The following DST variants were observed in gnomAD, a reference collection of about 807,000 sequenced individuals.
The protein encoded by DST is dystonin.
Under a neutral mutation model 875.2 loss-of-function variants are expected in DST, and 253 were observed. That is an observed-to-expected ratio of 0.29 (90% CI 0.26 to 0.32). DST has a LOEUF of 0.32. DST is among the 10% of genes least tolerant of loss of function. The pLI is 1.00. For missense variants in DST, 8,287 were observed against 9,111.6 expected, an observed-to-expected ratio of 0.91 and a Z score of 3.68; for synonymous variants, 3,124 against 3,197.1, an observed-to-expected ratio of 0.98 and a Z score of 0.77.
Position 56,553,288 on chromosome 6 carries a change from G to A in DST, c.15504C>T (p.Ala5168=). The part of the protein sequence containing the change: ...ENKLKESLEK[A]LKYKEQVETL... ...TCTCTACTTGCTCTTTATACTTAAGGGCTTTTTCCAATGACTCTTTTAACT... is the reference window on the plus strand; with the variant it reads ...TCTCTACTTGCTCTTTATACTTAAGAGCTTTTTCCAATGACTCTTTTAACT... Residue 5168 remains alanine, a synonymous_variant, in exon 61 of 104, where the codon GCC becomes GCT. Coordinates refer to ENST00000680361, the MANE Select transcript of DST (RefSeq NM_001374736.1). 1 of 1,613,462 alleles carries A rather than the reference G, an allele frequency of 6.2e-7. No individual in the cohort carries two copies. Among genetic ancestry groups the A allele is most frequent in the South Asian group, 1.1e-5 (1 of 91,032 alleles).
chr6:56,948,545 T>C (rs996196466), intron 2 of DST, among the ~76,000 whole-genome samples: 1 of 152,324 alleles, frequency 6.6e-6, no homozygotes, highest in Non-Finnish European at 1.5e-5. Flanking sequence ...TTCAAACTTA[T>C]GAATCCTTTA....
chr6:56,843,604 A>C (rs1367131748), intron 4 of DST: 13 of 983,204 alleles, frequency 1.3e-5, no homozygotes, highest in Non-Finnish European at 1.6e-5. Context: ...GTGCGGGAGG[A>C]CCGGCGCGCT....
intron 2 of DST, among the ~76,000 whole-genome samples, chr6:56,947,303 T>C (rs1317566729): frequency 6.7e-6 from 1 of 148,382 alleles, no homozygotes; most frequent in African/African-American, 2.5e-5. Flanking sequence ...CAGGCTGGAG[T>C]GCAGTGGCAC....
intron 61 of DST, among the ~76,000 whole-genome samples, chr6:56,547,082 ATTAG>A (rs1157680567): frequency 6.6e-6 from 1 of 152,372 alleles, no homozygotes; most frequent in Admixed American, 6.5e-5. Context: ...GGGCCGTAGC[ATTAG>A]TTAGCAGCAA....
chr6:56,582,271 C>G (rs2098019406), intron 49 of DST, among the ~76,000 whole-genome samples: 1 of 152,156 alleles, frequency 6.6e-6, no homozygotes, highest in South Asian at 2.1e-4. Context: ...CAAGGGAGAA[C>G]CTGGTGGGAG....
chr6:56,482,032 C>A lies in DST; in HGVS notation c.21531+18G>T, dbSNP rs957690427. ...GATTTTCTAATTTAGCTTTACATAG[C>A]ATTTATATATTACTCACTTTATGCT... On this transcript the variant is annotated intron_variant, in intron 90 of 103. Coordinates refer to ENST00000680361, the MANE Select transcript of DST (RefSeq NM_001374736.1). The A allele has an allele frequency of 6.2e-7, 1 of 1,610,378 alleles. No homozygotes were observed. Among genetic ancestry groups the A allele is most frequent in the Non-Finnish European group, 8.5e-7 (1 of 1,178,122 alleles).
chr6:56,743,946 G>C (rs562783086), intron 4 of DST, among the ~76,000 whole-genome samples: 19 of 152,248 alleles, frequency 1.2e-4, no homozygotes, highest in African/African-American at 4.6e-4. Context: ...CTGAGGTCAG[G>C]AGTTCGAGAC....
intron 49 of DST, among the ~76,000 whole-genome samples, chr6:56,584,904 T>C (rs1213978405): frequency 6.6e-6 from 1 of 152,146 alleles, no homozygotes; most frequent in African/African-American, 2.4e-5. Context: ...ATTTATTGAT[T>C]TGTGTATATT....
chr6:56,480,844 C>T (rs555898284), intron 90 of DST, among the ~76,000 whole-genome samples: 11 of 152,082 alleles, frequency 7.2e-5, no homozygotes, highest in African/African-American at 2.7e-4. Flanking sequence ...AAGTGGTGTC[C>T]AGCAAATATT....
chr6:56,920,895 A>AC (rs1803823976), intron 2 of DST, among the ~76,000 whole-genome samples: 1 of 59,678 alleles, frequency 1.7e-5, no homozygotes, highest in Non-Finnish European at 3.1e-5. Context: ...CGCCCAGCTA[A>AC]TTTTTTTTTT....
intron 3 of DST, among the ~76,000 whole-genome samples, chr6:56,865,556 G>C (rs771965840): frequency 2.0e-5 from 3 of 152,020 alleles, no homozygotes; most frequent in Non-Finnish European, 4.4e-5. Context: ...TTGTCTCACT[G>C]TGTTGCTCAG....
intron 4 of DST, among the ~76,000 whole-genome samples, chr6:56,778,976 T>C (rs143624316): frequency 1.3e-5 from 2 of 152,208 alleles, no homozygotes; most frequent in African/African-American, 2.4e-5. Context: ...TCCACAATGG[T>C]TGAATGAGTT....
intron 55 of DST, among the ~76,000 whole-genome samples, chr6:56,566,914 G>A (rs185823565): frequency 2.9e-4 from 44 of 152,202 alleles, no homozygotes; most frequent in African/African-American, 7.0e-4. Flanking sequence ...CTCATATTAC[G>A]TCAACACTAA....
chr6:56,501,316 TTG>T, intron 79 of DST, 81 bp from the exon 80 acceptor site: 1 of 1,400,040 alleles, frequency 7.1e-7, no homozygotes. Flanking sequence ...ACAAAAATAA[TTG>T]TTTCATGTTG....
At chr6:56,666,780 C>A (rs569557118) in intron 10 of DST, among the ~76,000 whole-genome samples, 11 of 148,996 alleles carry the variant, frequency 7.4e-5, no homozygotes, top group African/African-American at 2.7e-4. Flanking sequence ...CTGTCACCTA[C>A]CCTGGGGTGC....
At chr6:56,932,464 T>G (rs1421769581) in intron 2 of DST, among the ~76,000 whole-genome samples, 2 of 152,006 alleles carry the variant, frequency 1.3e-5, no homozygotes, top group Non-Finnish European at 2.9e-5. Context: ...CAGGGTATTC[T>G]GGAAAGCCAC....
At chr6:56,687,057 T>A (rs572272007) in intron 9 of DST, among the ~76,000 whole-genome samples, 1 of 152,170 alleles carries the variant, frequency 6.6e-6, no homozygotes, top group African/African-American at 2.4e-5. Context: ...GAGCTATACC[T>A]ATCCATGGAC....
chr6:56,599,217 A>C (rs557320196), intron 45 of DST, among the ~76,000 whole-genome samples: 2 of 152,184 alleles, frequency 1.3e-5, no homozygotes, highest in South Asian at 4.1e-4. Flanking sequence ...CTCAAGATTA[A>C]GATCTCTCCT....
chr6:56,529,617 C>T lies in DST; in HGVS notation c.17426G>A (p.Ser5809Asn). The stretch of plus-strand genomic sequence containing the variant: ...CTGGAGGAGCTCAGACCTGCTGTGA[C>T]TTTTCTCTTGAATCTCAATGTACCA... The part of the protein sequence containing the change: ...QVWYIEIQEK[S>N]HSRSELLQQA... The change falls in exon 66 of 104, where the codon AGT (serine) becomes AAT (asparagine). Residue 5809 changes from serine to asparagine, a missense_variant. Around this residue, in one of 10 missense-constraint regions of DST, gnomAD observed 777 missense variants for 764.8 expected, o/e 1.02. Transcript: ENST00000680361. The T allele has an allele frequency of 1.2e-6, 2 of 1,613,790 alleles. No individual in the cohort carries two copies. The highest frequency in any genetic ancestry group is 1.7e-5 in the Admixed American group (1 of 60,002).
Sources: allele counts gnomAD v4.1 joint callset (sites outside exome capture counted in the v4.1 genomes callset), GRCh38; gene constraint gnomAD v4.1.1; regional missense constraint gnomAD v4.1.1; transcripts MANE v1.5; gene names NCBI Gene and HGNC (gene_info 2026-07-23, HGNC 2026-07-21).